Variants in MYRIP observed in about 807,000 individuals in gnomAD.
The protein encoded by MYRIP is rab effector MyRIP.
A neutral mutation model predicts 98.0 loss-of-function variants in MYRIP; 49 were observed. The ratio of observed to expected loss-of-function variants is 0.50; its 90% CI spans 0.40 to 0.63. The LOEUF (loss-of-function observed/expected upper bound fraction) is 0.63. Among genes scored for constraint, MYRIP ranks in the 30% least tolerant of loss-of-function variants. The pLI is 0.00. For missense variants in MYRIP, 1,004 were observed against 1,058.2 expected, an observed-to-expected ratio of 0.95 and a Z score of 0.71; for synonymous variants, 404 against 409.5, an observed-to-expected ratio of 0.99 and a Z score of 0.16.
chr3:39,859,112 A>C (rs80248514), intron 1 of MYRIP, among the ~76,000 whole-genome samples: 1 of 51,912 alleles, frequency 1.9e-5, no homozygotes, highest in Non-Finnish European at 4.0e-5. Flanking sequence ...GGTTTTTTGA[A>C]AAAAAAAAAA....
At chr3:39,986,443 CCTCTCTCTCTCCCTCT>C (rs1559549129) in intron 2 of MYRIP, among the ~76,000 whole-genome samples, 1 of 144,222 alleles carries the variant, frequency 6.9e-6, no homozygotes, top group Non-Finnish European at 1.5e-5. Context: ...TCTTTCTCTC[CCTCTCTCTCTCCCTCT>C]CTCTCTCTCT....
chr3:39,901,250 G>C (rs1158900910), intron 2 of MYRIP, among the ~76,000 whole-genome samples: 2 of 152,198 alleles, frequency 1.3e-5, no homozygotes, highest in Admixed American at 6.5e-5. Context: ...CTTATTGAAG[G>C]ATAACCAAAG....
intron 1 of MYRIP, among the ~76,000 whole-genome samples, chr3:39,860,166 C>A (rs1942428212): frequency 6.6e-6 from 1 of 152,234 alleles, no homozygotes; most frequent in African/African-American, 2.4e-5. Context: ...CAACTATACA[C>A]TGGAACTCAT....
rs188688509 is a variant in MYRIP at position 39,972,014 on chromosome 3, C to T, written c.110+71088C>T. Reference sequence around the variant, plus strand: ...AAAATGCCAGTAAAATTATAATTGACGCTTATGGTTCTTTGCTATTCCTAA... The same window carrying T: ...AAAATGCCAGTAAAATTATAATTGATGCTTATGGTTCTTTGCTATTCCTAA... On this transcript the variant is annotated intron_variant, in intron 2 of 16. Transcript: ENST00000302541. Among the ~76,000 whole-genome samples, 256 of 152,166 alleles carry T rather than the reference C, an allele frequency of 1.7e-3. 1 individual carries two copies. Among genetic ancestry groups the T allele is most frequent in the African/African-American group, 5.7e-3 (238 of 41,540 alleles).
intron 3 of MYRIP, among the ~76,000 whole-genome samples, chr3:40,121,643 C>T (rs1421001943): frequency 6.6e-6 from 1 of 152,152 alleles, no homozygotes; most frequent in African/African-American, 2.4e-5. Context: ...ACCAGGTGCC[C>T]CACTGGTGCA....
intron 3 of MYRIP, among the ~76,000 whole-genome samples, chr3:40,053,791 G>A (rs974083197): frequency 1.3e-5 from 2 of 152,104 alleles, no homozygotes; most frequent in Non-Finnish European, 2.9e-5. Context: ...AGTCTTTAGA[G>A]GAATAGCCAG....
chr3:40,159,611 C>T (rs1363323276), intron 4 of MYRIP, among the ~76,000 whole-genome samples: 4 of 152,112 alleles, frequency 2.6e-5, no homozygotes, highest in Admixed American at 1.3e-4. Flanking sequence ...GTTCCATTCT[C>T]CCCGTCACTT....
chr3:40,053,120 G>T (rs11916029), intron 3 of MYRIP, among the ~76,000 whole-genome samples: 4,000 of 152,186 alleles, frequency 0.026, 82 homozygotes, highest in African/African-American at 0.054. Context: ...TGTAGGACTT[G>T]CTCCCTTCTC....
At chr3:39,840,472 T>G (rs1044877783) in intron 1 of MYRIP, among the ~76,000 whole-genome samples, 5 of 152,232 alleles carry the variant, frequency 3.3e-5, no homozygotes, top group East Asian at 1.9e-4. Context: ...CGTTTACATT[T>G]AAGGTTAGTA....
intron 2 of MYRIP, among the ~76,000 whole-genome samples, chr3:39,988,576 G>A (rs1946095050): frequency 6.6e-6 from 1 of 151,840 alleles, no homozygotes; most frequent in Non-Finnish European, 1.5e-5. Context: ...GGTTGGGGAA[G>A]TTCTCCTGGA....
chr3:40,029,625 C>A (rs1291874155), intron 2 of MYRIP, among the ~76,000 whole-genome samples: 1 of 152,008 alleles, frequency 6.6e-6, no homozygotes, highest in African/African-American at 2.4e-5. Context: ...TTTACTAAAA[C>A]CAAACAAAAA....
chr3:40,161,385 CCT>C (rs993891703), intron 4 of MYRIP, among the ~76,000 whole-genome samples: 1 of 152,158 alleles, frequency 6.6e-6, no homozygotes, highest in Admixed American at 6.5e-5. Flanking sequence ...TCACATCTCC[CCT>C]GTCCTTATGT....
Position 40,067,868 on chromosome 3 carries a change from C to T in MYRIP, c.332+23597C>T, listed in dbSNP as rs536207670. 1.5e-3 allele frequency among the ~76,000 whole-genome samples: 224 copies of T among 152,286 alleles called. 2 individuals carry two copies. The South Asian group carries it at 0.034, about 23-fold the overall frequency. On this transcript the variant is annotated intron_variant, in intron 3 of 16. Transcript: ENST00000302541. ...CTTGATAGAGTTATTGTCATCTCTA[C>T]GTGTTATCATCCATATAACCTCATA...
At chr3:40,140,913 CT>C (rs1643983693) in intron 3 of MYRIP, among the ~76,000 whole-genome samples, 1 of 152,126 alleles carries the variant, frequency 6.6e-6, no homozygotes, top group African/African-American at 2.4e-5. Context: ...GACTTACAAT[CT>C]AATTTTATGA....
At chr3:40,067,745 A>C (rs1948151382) in intron 3 of MYRIP, among the ~76,000 whole-genome samples, 1 of 126,912 alleles carries the variant, frequency 7.9e-6, no homozygotes, top group Non-Finnish European at 1.7e-5. Flanking sequence ...AGATACCCTG[A>C]AATGAGGTCT....
intron 3 of MYRIP, among the ~76,000 whole-genome samples, chr3:40,071,460 CAAG>C (rs1325292723): frequency 2.0e-5 from 3 of 152,048 alleles, no homozygotes; most frequent in Admixed American, 6.6e-5. Flanking sequence ...GTTGTGGGGT[CAAG>C]GAGAGGCTGA....
intron 8 of MYRIP, among the ~76,000 whole-genome samples, chr3:40,176,792 C>T (rs1351520726): frequency 1.3e-5 from 2 of 150,996 alleles, no homozygotes; most frequent in Non-Finnish European, 2.9e-5. Flanking sequence ...ACCTGTAATC[C>T]CAGCTACTAG....
intron 2 of MYRIP, among the ~76,000 whole-genome samples, chr3:39,914,697 T>G (rs1274996678): frequency 6.6e-6 from 1 of 152,084 alleles, no homozygotes; most frequent in African/African-American, 2.4e-5. Context: ...CTCCCAAAGA[T>G]GAGGTATATG....
intron 3 of MYRIP, among the ~76,000 whole-genome samples, chr3:40,123,224 A>T (rs987592321): frequency 6.6e-6 from 1 of 152,258 alleles, no homozygotes; most frequent in Admixed American, 6.5e-5. Flanking sequence ...CATTTTGCTT[A>T]GTGCAGGCTT....
Sources: gnomAD v4.1 joint callset for allele counts (sites outside exome capture counted in the v4.1 genomes callset) on GRCh38, gnomAD v4.1.1 for gene constraint, MANE v1.5 for transcripts, NCBI Gene and HGNC (gene_info 2026-07-23, HGNC 2026-07-21) for gene names.